The following DPP10 variants were observed in gnomAD, a reference collection of about 807,000 sequenced individuals.
The protein encoded by DPP10 is dipeptidyl peptidase like 10.
DPP10 carries 33 observed loss-of-function variants against 120.9 expected under a neutral mutation model. The observed-to-expected ratio is 0.27, with a 90% CI of 0.21 to 0.37. The LOEUF (loss-of-function observed/expected upper bound fraction) is 0.37, where lower values mean the gene tolerates loss of function less well. Among genes scored for constraint, DPP10 ranks in the 10% least tolerant of loss-of-function variants. DPP10 has a pLI of 1.00. For missense variants in DPP10, 816 were observed against 942.8 expected (o/e 0.87, Z 1.76); for synonymous variants, 337 against 326.1 (o/e 1.03, Z -0.36).
chr2:115,015,579 C>T (rs6542239), intron 1 of DPP10, among the ~76,000 whole-genome samples: 62,253 of 151,988 alleles, frequency 0.41, 12,894 homozygotes, highest in South Asian at 0.54. Flanking sequence ...TTGCAGATAA[C>T]TTGATTGTAT....
At chr2:115,603,741 T>A (rs1284974468) in intron 5 of DPP10, among the ~76,000 whole-genome samples, 1 of 152,138 alleles carries the variant, frequency 6.6e-6, no homozygotes. Flanking sequence ...CACTGGAATT[T>A]GGATCAGAGA....
At chr2:115,551,907 A>G (rs2079897248) in intron 5 of DPP10, among the ~76,000 whole-genome samples, 1 of 152,152 alleles carries the variant, frequency 6.6e-6, no homozygotes, top group African/African-American at 2.4e-5. Context: ...TTCAAATTAT[A>G]TCTATTAAGT....
intron 12 of DPP10, among the ~76,000 whole-genome samples, chr2:115,762,857 T>C (rs1334284166): frequency 6.6e-6 from 1 of 152,184 alleles, no homozygotes; most frequent in Non-Finnish European, 1.5e-5. Context: ...TTTAAAATAT[T>C]CTGTGTAAGT....
chr2:114,997,957 A>T (rs190506439), intron 1 of DPP10, among the ~76,000 whole-genome samples: 2 of 152,312 alleles, frequency 1.3e-5, no homozygotes, highest in Non-Finnish European at 2.9e-5. Flanking sequence ...ACTTTATGCA[A>T]TATTTTAAAT....
At chr2:115,086,083 C>T (rs553936007) in intron 1 of DPP10, among the ~76,000 whole-genome samples, 62 of 152,280 alleles carry the variant, frequency 4.1e-4, no homozygotes, top group African/African-American at 1.3e-3. Flanking sequence ...CCTACAAAGC[C>T]ATCCTTTGTT....
At chr2:114,821,183 G>A (rs950628178) in intron 1 of DPP10, among the ~76,000 whole-genome samples, 11 of 152,154 alleles carry the variant, frequency 7.2e-5, no homozygotes, top group Admixed American at 2.0e-4. Flanking sequence ...CAGGTATGTC[G>A]TTCACATAGC....
At chr2:114,466,129 C>T (rs997607343) in intron 1 of DPP10, among the ~76,000 whole-genome samples, 10 of 152,226 alleles carry the variant, frequency 6.6e-5, no homozygotes, top group Admixed American at 3.3e-4. Flanking sequence ...AATTAAAAAT[C>T]CCATATGATT....
At chr2:115,556,843 A>G (rs566670680) in intron 5 of DPP10, among the ~76,000 whole-genome samples, 12 of 152,326 alleles carry the variant, frequency 7.9e-5, no homozygotes, top group Admixed American at 5.9e-4. Flanking sequence ...TTCTGTTTAC[A>G]ACTTTATACA....
intron 1 of DPP10, among the ~76,000 whole-genome samples, chr2:114,682,253 G>C (rs1699074179): frequency 6.6e-6 from 1 of 151,878 alleles, no homozygotes; most frequent in Non-Finnish European, 1.5e-5. Context: ...GATGGAACTG[G>C]AGATCATTAT....
At chr2:114,885,625 T>C (rs564904304) in intron 1 of DPP10, among the ~76,000 whole-genome samples, 2 of 152,338 alleles carry the variant, frequency 1.3e-5, no homozygotes, top group African/African-American at 4.8e-5. Flanking sequence ...TTTGCTGTCA[T>C]TGTTCTTTTT....
At chr2:114,893,217 T>C (rs553879864) in intron 1 of DPP10, among the ~76,000 whole-genome samples, 10 of 152,336 alleles carry the variant, frequency 6.6e-5, no homozygotes, top group Admixed American at 6.5e-4. Flanking sequence ...AGTACACTAA[T>C]GTTCCATGGA....
At chr2:114,881,530 A>G (rs1691625872) in intron 1 of DPP10, among the ~76,000 whole-genome samples, 1 of 150,096 alleles carries the variant, frequency 6.7e-6, no homozygotes, top group South Asian at 2.1e-4. Flanking sequence ...CTATCCATCT[A>G]TCTATCCTAT....
intron 1 of DPP10, among the ~76,000 whole-genome samples, chr2:114,538,304 A>G (rs1686681488): frequency 6.6e-6 from 1 of 152,198 alleles, no homozygotes; most frequent in South Asian, 2.1e-4. Flanking sequence ...CAGCTCTTCC[A>G]TGTAACACAG....
chr2:115,091,238 A>C (rs1203397114), intron 1 of DPP10, among the ~76,000 whole-genome samples: 2 of 152,138 alleles, frequency 1.3e-5, no homozygotes, highest in African/African-American at 2.4e-5. Flanking sequence ...GTGGATTTGC[A>C]TCTAAACCTT....
chr2:115,270,197 C>G (rs1172845586), intron 1 of DPP10, among the ~76,000 whole-genome samples: 1 of 151,960 alleles, frequency 6.6e-6, no homozygotes, highest in African/African-American at 2.4e-5. Flanking sequence ...GATAGTCACT[C>G]TCTGGGAAAG....
rs1452559536 is a variant in DPP10, at chr2:115,806,377, C to A, written c.1701-8416C>A. On this transcript the variant is annotated intron_variant, in intron 19 of 25. Coordinates refer to ENST00000410059, the MANE Select transcript of DPP10 (RefSeq NM_020868.6). ...CGGTTTACTAAGTTGCAAGATGGTT[C>A]TGCCACTGCCTGCTTATACTTAGTA... Among the ~76,000 whole-genome samples, 42 of 152,228 alleles carry A rather than the reference C, an allele frequency of 2.8e-4. 1 individual carries two copies. The South Asian group carries it at 8.1e-3, about 29-fold the overall frequency.
intron 1 of DPP10, among the ~76,000 whole-genome samples, chr2:114,631,747 A>T (rs1348187977): frequency 2.0e-5 from 3 of 152,188 alleles, no homozygotes; most frequent in Non-Finnish European, 2.9e-5. Flanking sequence ...TTTCAGGACC[A>T]CACTACCATT....
chr2:114,659,856 A>G (rs1250916849), intron 1 of DPP10, among the ~76,000 whole-genome samples: 1 of 152,224 alleles, frequency 6.6e-6, no homozygotes, highest in Non-Finnish European at 1.5e-5. Flanking sequence ...AGAGAGCTGT[A>G]TAAAGACAGA....
At chr2:114,937,416 G>A (rs1489755630) in intron 1 of DPP10, among the ~76,000 whole-genome samples, 2 of 152,048 alleles carry the variant, frequency 1.3e-5, no homozygotes, top group East Asian at 1.9e-4. Context: ...CTTTATTTCT[G>A]AGTTCAGAAA....
Sources: gnomAD v4.1 joint callset for allele counts (sites outside exome capture counted in the v4.1 genomes callset) on GRCh38, gnomAD v4.1.1 for gene constraint, MANE v1.5 for transcripts, NCBI Gene and HGNC (gene_info 2026-07-23, HGNC 2026-07-21) for gene names.